Variants in IL23R observed in about 807,000 individuals in gnomAD.
IL23R encodes the protein interleukin-23 receptor.
IL23R carries 34 observed loss-of-function variants against 56.9 expected under a neutral mutation model. The ratio of observed to expected loss-of-function variants is 0.60; its 90% CI spans 0.45 to 0.80. The LOEUF (loss-of-function observed/expected upper bound fraction) is 0.80, where lower values mean the gene tolerates loss of function less well. IL23R is among the 30% of genes least tolerant of loss of function. The probability of loss-of-function intolerance (pLI) is 0.00; values close to 1 mark genes in which losing one functional copy is unlikely to be tolerated. For missense variants in IL23R, 635 were observed against 730.0 expected, an observed-to-expected ratio of 0.87 and a Z score of 1.50; for synonymous variants, 230 against 249.2, an observed-to-expected ratio of 0.92 and a Z score of 0.73.
At chr1:67,161,271 T>C (rs1198970144) in intron 1 of IL23R, among the ~76,000 whole-genome samples, 3 of 152,222 alleles carry the variant, frequency 2.0e-5, no homozygotes, top group African/African-American at 7.2e-5. Flanking sequence ...TATTCTAGAA[T>C]TGACTAGGAA....
chr1:67,170,270 A>G (rs1008935600), intron 3 of IL23R, among the ~76,000 whole-genome samples: 9 of 152,338 alleles, frequency 5.9e-5, no homozygotes, highest in African/African-American at 1.7e-4. Flanking sequence ...AGCATATGAT[A>G]AAGTTTAAAG....
At chr1:67,160,108 C>A (rs538618865) in intron 1 of IL23R, among the ~76,000 whole-genome samples, 1 of 152,138 alleles carries the variant, frequency 6.6e-6, no homozygotes, top group Admixed American at 6.6e-5. Context: ...CCACCTTGAC[C>A]TCCAAAAGTG....
At chr1:67,139,535 A>C (rs999399316) in intron 1 of IL23R, among the ~76,000 whole-genome samples, 6 of 152,134 alleles carry the variant, frequency 3.9e-5, no homozygotes, top group African/African-American at 1.4e-4. Flanking sequence ...TTTCCCCATA[A>C]GTCTTTTTCT....
chr1:67,256,222 G>A (rs1652940703), intron 10 of IL23R, among the ~76,000 whole-genome samples: 1 of 152,170 alleles, frequency 6.6e-6, no homozygotes, highest in Non-Finnish European at 1.5e-5. Flanking sequence ...ACCAAACAAT[G>A]GTAGATGTCT....
chr1:67,164,489 C>T (rs1048670554), upstream of IL23R, among the ~76,000 whole-genome samples: 24 of 151,980 alleles, frequency 1.6e-4, no homozygotes, highest in Non-Finnish European at 2.8e-4. Flanking sequence ...AAAAAATTAC[C>T]GGGGCATGGT....
intron 1 of IL23R, among the ~76,000 whole-genome samples, chr1:67,142,379 T>A (rs969487410): frequency 9.2e-5 from 14 of 152,132 alleles, no homozygotes; most frequent in Admixed American, 9.2e-4. Flanking sequence ...TCAGAGTGGA[T>A]AAAAGAAAAT....
At chr1:67,203,026 T>C (rs964517591) in intron 5 of IL23R, among the ~76,000 whole-genome samples, 2 of 152,192 alleles carry the variant, frequency 1.3e-5, no homozygotes, top group South Asian at 4.1e-4. Context: ...AATATACCCT[T>C]TTCTTACGAT....
At chr1:67,154,525 C>CT (rs544131257) in intron 1 of IL23R, among the ~76,000 whole-genome samples, 2 of 151,970 alleles carry the variant, frequency 1.3e-5, no homozygotes, top group African/African-American at 4.8e-5. Flanking sequence ...CCTTCTCTGT[C>CT]TTTTTTTAAT....
intron 8 of IL23R, among the ~76,000 whole-genome samples, chr1:67,239,855 G>A (rs1651740251): frequency 6.6e-6 from 1 of 152,164 alleles, no homozygotes; most frequent in African/African-American, 2.4e-5. Flanking sequence ...ACCTGTGTCA[G>A]ACAAGCCAAA....
chr1:67,262,466 GGAAGTGATACT>G (rs1234413803), downstream of IL23R, among the ~76,000 whole-genome samples: 1 of 152,200 alleles, frequency 6.6e-6, no homozygotes, highest in Admixed American at 6.5e-5. Flanking sequence ...ACCACTCCCA[GGAAGTGATACT>G]GATGTTCATC....
chr1:67,206,882 GTCTT>G (rs1570848046), intron 5 of IL23R, 24 bp from the exon 6 acceptor site: 3 of 1,286,458 alleles, frequency 2.3e-6, no homozygotes, highest in Non-Finnish European at 3.1e-6. Context: ...AAACAGCCAG[GTCTT>G]TTTTTTTTTT....
chr1:67,168,156 A>G lies in IL23R; in HGVS notation c.36A>G (p.Ile12Met). 1 of 1,612,274 alleles carries G rather than the reference A, an allele frequency of 6.2e-7. No individual in the cohort carries two copies. The highest frequency in any genetic ancestry group is 8.5e-7 in the Non-Finnish European group (1 of 1,178,428). The change falls in exon 2 of 11, where the codon ATA becomes ATG. Residue 12 changes from isoleucine to methionine, a missense_variant. Ile to Met is a conservative substitution (Grantham distance 10). Coordinates refer to ENST00000347310, the MANE Select transcript of IL23R (RefSeq NM_144701.3). ...NQVTIQWDAVIALYILFSWCH... is the reference protein window; with the variant it reads ...NQVTIQWDAVMALYILFSWCH... ...TCACTATTCAATGGGATGCAGTAATAGCCCTTTACATACTCTTCAGCTGGT... is the reference window on the plus strand; with the variant it reads ...TCACTATTCAATGGGATGCAGTAATGGCCCTTTACATACTCTTCAGCTGGT...
At chr1:67,165,892 C>T (rs192176922), upstream of IL23R, among the ~76,000 whole-genome samples, 28 of 152,264 alleles carry the variant, frequency 1.8e-4, 1 homozygote, top group East Asian at 4.8e-3. Flanking sequence ...ATCTGATATA[C>T]AGTATGGTGA....
intron 4 of IL23R, among the ~76,000 whole-genome samples, chr1:67,199,646 T>C (rs1648454125): frequency 6.6e-6 from 1 of 152,340 alleles, no homozygotes; most frequent in East Asian, 1.9e-4. Flanking sequence ...TGCATATGTA[T>C]ACATCTATGT....
Position 67,201,218 on chromosome 1 carries a change from C to T in IL23R, c.652+321C>T, listed in dbSNP as rs150702978. Among the ~76,000 whole-genome samples the T allele has an allele frequency of 2.6e-3, 397 of 151,964 alleles. 5 individuals carry two copies. The East Asian group carries it at 0.047, about 18-fold the overall frequency. ...AGGATTTCGAGACCAGCCTGGTTAACATGGTGAAACCCTGTCTCTACTAAA... is the reference window on the plus strand; with the variant it reads ...AGGATTTCGAGACCAGCCTGGTTAATATGGTGAAACCCTGTCTCTACTAAA... On this transcript the variant is annotated intron_variant, in intron 5 of 10. Coordinates refer to ENST00000347310, the MANE Select transcript of IL23R (RefSeq NM_144701.3).
intron 1 of IL23R, among the ~76,000 whole-genome samples, chr1:67,144,138 A>G (rs574198192): frequency 6.6e-6 from 1 of 152,338 alleles, no homozygotes; most frequent in African/African-American, 2.4e-5. Context: ...CTGTTACTAT[A>G]TTGTGGGTTT....
At chr1:67,141,420 T>TA (rs796387333) in intron 1 of IL23R, among the ~76,000 whole-genome samples, 35 of 145,284 alleles carry the variant, frequency 2.4e-4, no homozygotes, top group Admixed American at 3.4e-4. Context: ...AAAAGCCTCT[T>TA]AAAAAAAAAA....
chr1:67,169,444 A>G lies in IL23R; in HGVS notation c.173A>G (p.Asn58Ser). 2 of 1,613,898 alleles carry G rather than the reference A, an allele frequency of 1.2e-6. No homozygotes were observed. Among genetic ancestry groups the G allele is most frequent in the Non-Finnish European group, 1.7e-6 (2 of 1,179,742 alleles). ...ATATATTGCCAAGCAGCAATTAAGA[A>G]CTGCCAACCAAGGAAACTTCATTTT... Reference protein sequence around the residue: ...ISIYCQAAIKNCQPRKLHFYK... With the variant: ...ISIYCQAAIKSCQPRKLHFYK... Residue 58 changes from asparagine (N) to serine (S), a missense_variant, in exon 3 of 11, where the codon AAC becomes AGC. Coordinates refer to ENST00000347310, the MANE Select transcript of IL23R (RefSeq NM_144701.3).
At chr1:67,155,589 C>T (rs534284646) in intron 1 of IL23R, among the ~76,000 whole-genome samples, 80 of 152,206 alleles carry the variant, frequency 5.3e-4, no homozygotes, top group Non-Finnish European at 9.7e-4. Flanking sequence ...ATTCAGCTAT[C>T]GATACTTGTG....
Sources: allele counts gnomAD v4.1 joint callset (sites outside exome capture counted in the v4.1 genomes callset), GRCh38; gene constraint gnomAD v4.1.1; transcripts MANE v1.5; gene names NCBI Gene and HGNC (gene_info 2026-07-23, HGNC 2026-07-21).